The following NELFB variants were observed in gnomAD, a reference collection of about 807,000 sequenced individuals.
NELFB encodes the protein negative elongation factor complex member B, also known as negative elongation factor B.
A neutral mutation model predicts 60.2 loss-of-function variants in NELFB; 34 were observed. The ratio of observed to expected loss-of-function variants is 0.56; its 90% CI spans 0.43 to 0.75. The LOEUF (loss-of-function observed/expected upper bound fraction) is 0.75, where lower values mean the gene tolerates loss of function less well. Among genes scored for constraint, NELFB ranks in the 30% least tolerant of loss-of-function variants. The pLI, the probability that NELFB is intolerant of heterozygous loss-of-function variation, is 0.00. For synonymous variants in NELFB, 459 were observed against 382.1 expected (o/e 1.20, Z -2.35); for missense variants, 770 against 831.6 (o/e 0.93, Z 0.91).
At position 137,256,959 on chromosome 9, in the gene NELFB, T is replaced by A. The variant is rs1466884542; in HGVS notation, c.646T>A (p.Tyr216Asn). Residue 216 changes from tyrosine to asparagine, a missense_variant, in exon 4 of 13, where the codon TAC (tyrosine) becomes AAC (asparagine). Coordinates refer to ENST00000343053, the MANE Select transcript of NELFB (RefSeq NM_015456.5). The stretch of plus-strand genomic sequence containing the variant: ...CGAGGTTTCCCCACTCCTGAAGCAG[T>A]ACATCCTGGAGAAGGAGAGCGCTCT... 6.2e-7 allele frequency: 1 copy of A among 1,614,052 alleles called. No individual in the cohort carries two copies.
chr9:137,259,343 C>T (rs74561745), intron 4 of NELFB, among the ~76,000 whole-genome samples: 1,540 of 152,336 alleles, frequency 0.01, 12 homozygotes, highest in African/African-American at 0.013. Context: ...CCCTTCGGGC[C>T]GTGGTTCCTG....
rs1210261084 is a variant in NELFB at position 137,256,015 on chromosome 9, G to T, written c.355G>T (p.Asp119Tyr). The T allele has an allele frequency of 6.2e-7, 1 of 1,613,922 alleles. No individual in the cohort carries two copies. Among genetic ancestry groups the T allele is most frequent in the Non-Finnish European group, 8.5e-7 (1 of 1,180,032 alleles). Residue 119 changes from aspartate (D) to tyrosine (Y), a missense_variant, in exon 2 of 13, where the codon GAC becomes TAC. Transcript: ENST00000343053. ...CCAGTCGGTATTCGATGAGCTGCGG[G>T]ACAAGCTGCTGGAGCGAGTGTCAGC... is the stretch of plus-strand genomic sequence containing the variant.
rs1391083925 is a variant in NELFB at position 137,267,255 on chromosome 9, GC to G, written c.1399del (p.Arg467AlafsTer119). 1 of 1,612,544 alleles carries G rather than the reference GC, an allele frequency of 6.2e-7. No individual in the cohort carries two copies. The highest frequency in any genetic ancestry group is 8.5e-7 in the Non-Finnish European group (1 of 1,179,144). ...CCGGGCGCAGGTTTCTGCAGGAGCA[GC>G]GCATGGCCTGCGAGGTGGGGCTGTA... On this transcript the variant is annotated frameshift_variant, in exon 10 of 13. Transcript: ENST00000343053. LOFTEE classifies it high-confidence loss of function.
At chr9:137,255,707 T>C in intron 1 of NELFB, 96 bp downstream of exon 1, 1 of 1,444,252 alleles carries the variant, frequency 6.9e-7, no homozygotes, top group Non-Finnish European at 9.4e-7. Flanking sequence ...TTTTCCGGCT[T>C]TCTGCTGGTG....
rs139618385 is a variant in NELFB, at chr9:137,260,524, C to G, written c.742-2513C>G. ...CTGGAGTGCAGTGGTGTGATCTCAG[C>G]TCACTGCAACCTCAGTCTCCCAGGT... On this transcript the variant is annotated intron_variant, in intron 4 of 12. Transcript: ENST00000343053. Among the ~76,000 whole-genome samples the G allele has an allele frequency of 5.0e-3, 745 of 150,224 alleles. 4 individuals carry two copies. The highest frequency in any genetic ancestry group is 0.018 in the African/African-American group (716 of 40,780).
At chr9:137,259,040 A>G (rs1398731054) in intron 4 of NELFB, among the ~76,000 whole-genome samples, 1 of 152,140 alleles carries the variant, frequency 6.6e-6, no homozygotes, top group African/African-American at 2.4e-5. Flanking sequence ...AGAAAAAAAA[A>G]TTAAGCTAAG....
chr9:137,263,310 C>T (rs1830477397), intron 5 of NELFB, 88 bp downstream of exon 5: 10 of 1,279,230 alleles, frequency 7.8e-6, no homozygotes, highest in South Asian at 1.4e-5. Flanking sequence ...CCGGCCCTCC[C>T]TCCTTCCCCC....
chr9:137,261,000 A>T (rs934948263), intron 4 of NELFB, among the ~76,000 whole-genome samples: 1 of 151,058 alleles, frequency 6.6e-6, no homozygotes, highest in African/African-American at 2.4e-5. Context: ...TGGAGGTTGC[A>T]GTTAGCCAAG....
chr9:137,266,912 C>G (rs1243546841), intron 8 of NELFB, 32 bp from the exon 9 acceptor site: 4 of 1,609,310 alleles, frequency 2.5e-6, no homozygotes, highest in South Asian at 1.1e-5. Context: ...GGGCCCGGGC[C>G]CGCGCCCGCT....
At chr9:137,259,062 G>A (rs1830382824) in intron 4 of NELFB, among the ~76,000 whole-genome samples, 2 of 152,222 alleles carry the variant, frequency 1.3e-5, no homozygotes, top group Admixed American at 6.5e-5. Context: ...ATGGTGGTGC[G>A]TACCTGTTGT....
At chr9:137,263,930 C>G (rs1830487465) in intron 5 of NELFB, among the ~76,000 whole-genome samples, 1 of 152,204 alleles carries the variant, frequency 6.6e-6, no homozygotes, top group African/African-American at 2.4e-5. Flanking sequence ...GACCATCTTT[C>G]CGGGACTTGG....
rs1015866534 is a variant in NELFB, at chr9:137,269,990, G to C, written c.1490-2091G>C. Among the ~76,000 whole-genome samples the C allele has an allele frequency of 6.6e-6, 1 of 152,144 alleles. No individual in the cohort carries two copies. The highest frequency in any genetic ancestry group is 6.6e-5 in the Admixed American group (1 of 15,266). ...CCTGTTTATTTTTTAACATTTTGTG[G>C]TGGGAATTTGTGAAAGAATACGAAG... On this transcript the variant is annotated intron_variant, in intron 10 of 12. Coordinates refer to ENST00000343053, the MANE Select transcript of NELFB (RefSeq NM_015456.5). This position sits in a 1 kb window ranked among gnomAD's most constrained non-coding sequence, Gnocchi z 5.3.
Position 137,257,070 on chromosome 9 carries a change from G to T in NELFB, c.741+16G>T, listed in dbSNP as rs779180164. On this transcript the variant is annotated intron_variant, in intron 4 of 12. Transcript: ENST00000343053. ...CCAGGGCGAGGTGAGGGGACAGGCC[G>T]TGTGCGGGGTGGGGCACCTCTTGGG... 6.2e-7 allele frequency: 1 copy of T among 1,602,186 alleles called. No individual in the cohort carries two copies. The highest frequency in any genetic ancestry group is 1.1e-5 in the South Asian group (1 of 90,860).
chr9:137,266,286 G>A, intron 7 of NELFB, 45 bp from the exon 8 acceptor site: 1 of 1,558,840 alleles, frequency 6.4e-7, no homozygotes, highest in Non-Finnish European at 8.8e-7. Flanking sequence ...TCCATGGCCA[G>A]GACACAGCTG....
At position 137,255,505 on chromosome 9, in the gene NELFB, C is replaced by T. The variant is rs1386012017; in HGVS notation, c.140C>T (p.Ser47Leu). 3.3e-6 allele frequency: 5 copies of T among 1,531,814 alleles called. No homozygotes were observed. The African/African-American group carries it at 5.7e-5, about 17-fold the overall frequency. The allele number at this position is 1,531,814 out of a possible 1,614,324, so 94.9% of individuals were successfully genotyped here. A position where few individuals can be genotyped will look rare whatever the true frequency, so the allele number is the denominator to read the frequency against. Residue 47 changes from serine to leucine, a missense_variant, in exon 1 of 13, where the codon TCG becomes TTG. Transcript: ENST00000343053. ...CCTAGCCGGGCGGTGGCCGGGGCCT[C>T]GGCCATGTTCGCGGGGCTGCAGGAC... is the stretch of plus-strand genomic sequence containing the variant.
At chr9:137,268,132 T>C (rs1269084771) in intron 10 of NELFB, among the ~76,000 whole-genome samples, 1 of 152,038 alleles carries the variant, frequency 6.6e-6, no homozygotes, top group African/African-American at 2.4e-5. Flanking sequence ...CTCTTTAGCC[T>C]GCTGTGGGTC....
In NELFB at chr9:137,269,216, C is replaced by G. The variant is rs1448370664; in HGVS notation, c.1489+1870C>G. ...TAACCTGTCCCCAGCCATCCTCTCA[C>G]TGAGCTTGGGTTGCCTGGGCCTGGG... On this transcript the variant is annotated intron_variant, in intron 10 of 12. Transcript: ENST00000343053. This position sits in a 1 kb window ranked among gnomAD's most constrained non-coding sequence, Gnocchi z 5.3. Among the ~76,000 whole-genome samples the G allele has an allele frequency of 6.6e-6, 1 of 152,150 alleles. No individual in the cohort carries two copies. Among genetic ancestry groups the G allele is most frequent in the Non-Finnish European group, 1.5e-5 (1 of 68,032 alleles).
chr9:137,255,579 A>C lies in NELFB; in HGVS notation c.214A>C (p.Thr72Pro). 1.3e-6 allele frequency: 2 copies of C among 1,549,712 alleles called. No homozygotes were observed. The highest frequency in any genetic ancestry group is 1.7e-6 in the Non-Finnish European group (2 of 1,147,000). ...CCTGAAGGAGACCCTGACCAACTGC[A>C]CGGAGCCGCTCAAGGCCATCGAGCA... is the stretch of plus-strand genomic sequence containing the variant. Residue 72 changes from threonine (T) to proline (P), a missense_variant, in exon 1 of 13, where the codon ACG becomes CCG. Transcript: ENST00000343053.
rs1830456336 is a variant in NELFB at position 137,262,171 on chromosome 9, A to G, written c.742-866A>G. ...CACAGGGAGACGGTTAGGCCTCTGG[A>G]TAACTGCGGGCAGGTCTGACTGATG... On this transcript the variant is annotated intron_variant, in intron 4 of 12. Coordinates refer to ENST00000343053, the MANE Select transcript of NELFB (RefSeq NM_015456.5). Among the ~76,000 whole-genome samples the G allele has an allele frequency of 1.3e-5, 2 of 152,168 alleles. 1 individual carries two copies. The highest frequency in any genetic ancestry group is 4.1e-4 in the South Asian group (2 of 4,836).
Sources: allele counts gnomAD v4.1 joint callset (sites outside exome capture counted in the v4.1 genomes callset), GRCh38; gene constraint gnomAD v4.1.1; non-coding constraint Gnocchi (gnomAD v3.1); transcripts MANE v1.5; gene names NCBI Gene and HGNC (gene_info 2026-07-23, HGNC 2026-07-21).